ARHGEF28: variants seen among roughly 807,000 people sequenced by gnomAD.
ARHGEF28 encodes Rho guanine nucleotide exchange factor 28.
In ARHGEF28, 152 loss-of-function variants were observed where a neutral mutation model predicts 206.6. The observed-to-expected ratio is 0.74, with a 90% confidence interval of 0.64 to 0.84. The LOEUF is 0.84. Among genes scored for constraint, ARHGEF28 ranks in the 40% least tolerant of loss-of-function variants. The pLI, the probability that ARHGEF28 is intolerant of heterozygous loss-of-function variation, is 0.00. For synonymous variants in ARHGEF28, 763 were observed against 776.4 expected (o/e 0.98, Z 0.29); for missense variants, 2,028 against 2,073.2 (o/e 0.98, Z 0.42).
intron 22 of ARHGEF28, among the ~76,000 whole-genome samples, chr5:73,879,323 C>G (rs1463811457): frequency 2.0e-5 from 3 of 152,200 alleles, no homozygotes; most frequent in African/African-American, 7.2e-5. Flanking sequence ...GTTATACATT[C>G]GTCTAAATTT....
intron 4 of ARHGEF28, among the ~76,000 whole-genome samples, chr5:73,761,513 C>A (rs150718799): frequency 6.6e-6 from 1 of 152,072 alleles, no homozygotes; most frequent in East Asian, 1.9e-4. Context: ...AATAATTGTG[C>A]GTCCTGTTCC....
intron 26 of ARHGEF28, among the ~76,000 whole-genome samples, chr5:73,891,056 A>C (rs1490496261): frequency 6.6e-6 from 1 of 152,182 alleles, no homozygotes; most frequent in Non-Finnish European, 1.5e-5. Flanking sequence ...TGGTGGACTT[A>C]TGTGAAACTA....
At chr5:73,749,739 A>G (rs1314551848) in intron 2 of ARHGEF28, 98 bp from the exon 3 acceptor site, 37 of 1,357,712 alleles carry the variant, frequency 2.7e-5, no homozygotes, top group Non-Finnish European at 2.7e-5. Flanking sequence ...AAGTGAACAT[A>G]ACAAATGACA....
At chr5:73,822,450 T>C (rs1756655942) in intron 9 of ARHGEF28, among the ~76,000 whole-genome samples, 1 of 152,218 alleles carries the variant, frequency 6.6e-6, no homozygotes, top group Admixed American at 6.5e-5. Context: ...TTAGCTTACA[T>C]ATGACCCACA....
chr5:73,827,148 C>A (rs910922697), intron 9 of ARHGEF28, among the ~76,000 whole-genome samples: 2 of 152,282 alleles, frequency 1.3e-5, no homozygotes, highest in Non-Finnish European at 2.9e-5. Flanking sequence ...AGTTTGATGG[C>A]TTTTCTTTCT....
intron 2 of ARHGEF28, among the ~76,000 whole-genome samples, chr5:73,717,903 G>A (rs563221855): frequency 2.2e-4 from 34 of 152,226 alleles, no homozygotes; most frequent in African/African-American, 5.1e-4. Flanking sequence ...GTGTGACAGA[G>A]TTTCACTCTG....
intron 35 of ARHGEF28, among the ~76,000 whole-genome samples, chr5:73,914,435 C>T (rs1000834556): frequency 9.5e-5 from 12 of 126,346 alleles, no homozygotes; most frequent in Non-Finnish European, 1.3e-4. Context: ...CTCTCTTTGT[C>T]GCCCAGGCTG....
chr5:73,757,846 T>C (rs972468880), intron 4 of ARHGEF28, among the ~76,000 whole-genome samples: 3 of 152,232 alleles, frequency 2.0e-5, no homozygotes, highest in African/African-American at 7.2e-5. Context: ...AATATAATTA[T>C]TCAACAGAAT....
At chr5:73,892,270 G>C in intron 27 of ARHGEF28, 40 bp downstream of exon 27, 1 of 1,524,194 alleles carries the variant, frequency 6.6e-7, no homozygotes, top group Non-Finnish European at 8.8e-7. Flanking sequence ...GAACAGAGTT[G>C]TTCAACTGGG....
At chr5:73,854,841 C>A (rs1758916417) in intron 14 of ARHGEF28, among the ~76,000 whole-genome samples, 1 of 148,306 alleles carries the variant, frequency 6.7e-6, no homozygotes. Flanking sequence ...CAAAAAAAAA[C>A]AAAAACCCAA....
chr5:73,690,446 A>G (rs929285977), intron 2 of ARHGEF28, among the ~76,000 whole-genome samples: 3 of 147,336 alleles, frequency 2.0e-5, no homozygotes, highest in Admixed American at 1.4e-4. Context: ...GGTGGCATAT[A>G]CCTGTAATGT....
intron 9 of ARHGEF28, chr5:73,813,347 C>T (rs1015442217): frequency 9.5e-6 from 3 of 315,058 alleles, no homozygotes; most frequent in African/African-American, 6.8e-5. Flanking sequence ...CCCCACTTCT[C>T]CCTCCTTTAC....
At chr5:73,776,738 A>G in intron 6 of ARHGEF28, 42 bp downstream of exon 6, 1 of 1,517,404 alleles carries the variant, frequency 6.6e-7, no homozygotes, top group Non-Finnish European at 9.0e-7. Context: ...TGCATGCTTC[A>G]GAGAATGCAG....
intron 2 of ARHGEF28, among the ~76,000 whole-genome samples, chr5:73,749,345 A>C (rs1295069255): frequency 6.6e-6 from 1 of 152,206 alleles, no homozygotes; most frequent in Non-Finnish European, 1.5e-5. Context: ...AATTAACTCA[A>C]GCCATGATGT....
intron 9 of ARHGEF28, among the ~76,000 whole-genome samples, chr5:73,814,300 G>A (rs1756042389): frequency 6.6e-6 from 1 of 152,274 alleles, no homozygotes; most frequent in South Asian, 2.1e-4. Flanking sequence ...ATCCTTTACT[G>A]CTGAAGGAAG....
At chr5:73,672,550 T>C (rs1746417050) in intron 1 of ARHGEF28, among the ~76,000 whole-genome samples, 1 of 152,248 alleles carries the variant, frequency 6.6e-6, no homozygotes, top group Non-Finnish European at 1.5e-5. Flanking sequence ...ATGGCCTGCA[T>C]AGTGCTTTGC....
chr5:73,656,388 T>C (rs1745201774), intron 1 of ARHGEF28, among the ~76,000 whole-genome samples: 1 of 152,240 alleles, frequency 6.6e-6, no homozygotes, highest in Non-Finnish European at 1.5e-5. Context: ...GTACCATCTG[T>C]GTCATTCCCT....
chr5:73,894,759 A>G (rs1761859255), intron 29 of ARHGEF28, among the ~76,000 whole-genome samples, 184 bp downstream of exon 29: 1 of 152,220 alleles, frequency 6.6e-6, no homozygotes, highest in South Asian at 2.1e-4. Context: ...GTCAGGTTGT[A>G]TCAAGTGCTA....
intron 25 of ARHGEF28, 128 bp from the exon 26 acceptor site, chr5:73,887,474 TG>T (rs1761371345): frequency 1.5e-6 from 1 of 668,412 alleles, no homozygotes; most frequent in Non-Finnish European, 2.5e-6. Context: ...CATATATCTT[TG>T]GCTATCATAA....
Sources: gnomAD v4.1 joint callset for allele counts (sites outside exome capture counted in the v4.1 genomes callset) on GRCh38, gnomAD v4.1.1 for gene constraint, MANE v1.5 for transcripts, NCBI Gene and HGNC (gene_info 2026-07-23, HGNC 2026-07-21) for gene names.